The following PEAK1 variants were observed in gnomAD, a reference collection of about 807,000 sequenced individuals.
The protein encoded by PEAK1 is inactive tyrosine-protein kinase PEAK1.
PEAK1 carries 54 observed loss-of-function variants against 124.7 expected under a neutral mutation model. The ratio of observed to expected loss-of-function variants is 0.43; its 90% CI spans 0.35 to 0.54. The LOEUF is 0.54. PEAK1 is among the 20% of genes least tolerant of loss of function. The pLI, the probability that PEAK1 is intolerant of heterozygous loss-of-function variation, is 0.01. For synonymous variants in PEAK1, 719 were observed against 760.0 expected, an observed-to-expected ratio of 0.95 and a Z score of 0.89; for missense variants, 2,046 against 2,134.5, an observed-to-expected ratio of 0.96 and a Z score of 0.82.
At chr15:77,215,433 G>A (rs2059105916) in intron 6 of PEAK1, among the ~76,000 whole-genome samples, 1 of 152,184 alleles carries the variant, frequency 6.6e-6, no homozygotes, top group Non-Finnish European at 1.5e-5. Flanking sequence ...CCCTGAGGAT[G>A]CTCAAGTCCT....
chr15:77,420,913 G>A (rs980525347), upstream of PEAK1: 5 of 398,676 alleles, frequency 1.3e-5, no homozygotes, highest in East Asian at 3.6e-5. Context: ...AGTGCGTGAA[G>A]TGAAGGCGAT....
intron 8 of PEAK1, among the ~76,000 whole-genome samples, chr15:77,144,456 C>A (rs768808687): frequency 6.6e-6 from 1 of 152,108 alleles, no homozygotes; most frequent in Non-Finnish European, 1.5e-5. Flanking sequence ...GCATTTTTAG[C>A]CTTTTATAAA....
chr15:77,229,579 A>G (rs2059815104), intron 6 of PEAK1, among the ~76,000 whole-genome samples: 1 of 152,050 alleles, frequency 6.6e-6, no homozygotes, highest in South Asian at 2.1e-4. Flanking sequence ...TCTCATGACC[A>G]GAGGTATCTG....
chr15:77,144,708 T>C (rs1596338524), intron 8 of PEAK1, among the ~76,000 whole-genome samples: 1 of 152,330 alleles, frequency 6.6e-6, no homozygotes, highest in African/African-American at 2.4e-5. Context: ...ACTTATGCGT[T>C]CCAAATGAAA....
chr15:77,247,281 GAAGA>G (rs1479209219), intron 6 of PEAK1, among the ~76,000 whole-genome samples: 1 of 151,746 alleles, frequency 6.6e-6, no homozygotes, highest in African/African-American at 2.4e-5. Flanking sequence ...TCAATTTTAG[GAAGA>G]AAGCATTCAC....
intron 1 of PEAK1, among the ~76,000 whole-genome samples, chr15:77,392,560 C>G (rs2070558130): frequency 1.3e-5 from 2 of 152,136 alleles, no homozygotes; most frequent in Non-Finnish European, 2.9e-5. Context: ...TTTATACATT[C>G]ATCTATTCCT....
intron 9 of PEAK1, among the ~76,000 whole-genome samples, chr15:77,116,970 A>G (rs1479566228): frequency 6.6e-6 from 1 of 152,216 alleles, no homozygotes; most frequent in Admixed American, 6.5e-5. Flanking sequence ...ATGCTCATCA[A>G]TCATAACATT....
chr15:77,382,337 C>A (rs1940364067), intron 1 of PEAK1, among the ~76,000 whole-genome samples: 1 of 152,238 alleles, frequency 6.6e-6, no homozygotes, highest in Non-Finnish European at 1.5e-5. Flanking sequence ...TCCTCATTCA[C>A]CAATCATTTC....
chr15:77,138,129 C>A (rs1302904324), intron 8 of PEAK1, among the ~76,000 whole-genome samples: 1 of 152,202 alleles, frequency 6.6e-6, no homozygotes, highest in Non-Finnish European at 1.5e-5. Flanking sequence ...TCCAATAAAC[C>A]TCCTTCTTTT....
intron 8 of PEAK1, among the ~76,000 whole-genome samples, chr15:77,149,754 C>CA (rs910411010): frequency 6.9e-6 from 1 of 144,916 alleles, no homozygotes; most frequent in Non-Finnish European, 1.5e-5. Context: ...ATTGGCATCA[C>CA]TTTTTTTTTT....
chr15:77,229,249 T>C (rs1596736435), intron 6 of PEAK1, among the ~76,000 whole-genome samples: 1 of 152,178 alleles, frequency 6.6e-6, no homozygotes, highest in East Asian at 1.9e-4. Context: ...TCATTGAAGT[T>C]TAGCACCTTT....
At position 77,349,164 on chromosome 15, in the gene PEAK1, C is replaced by T. The variant is rs577066931; in HGVS notation, c.-603+15999G>A. ...ACGCCATTCTCCTGCCTCAGCCTCC[C>T]GAGTAGCTGGGACTACAGGCACCTG... On this transcript the variant is annotated intron_variant, in intron 2 of 9. Coordinates refer to ENST00000682557, the MANE Select transcript of PEAK1 (RefSeq NM_001385026.1). 1.3e-4 allele frequency: 56 copies of T among 432,868 alleles called. No individual in the cohort carries two copies. In the Middle Eastern group the frequency reaches 4.6e-3, roughly 36 times the overall value. 26.8% of individuals were successfully genotyped at this position (432,868 alleles called of 1,614,324 possible).
chr15:77,116,740 CTA>C (rs2051421276), intron 9 of PEAK1, among the ~76,000 whole-genome samples: 4 of 151,722 alleles, frequency 2.6e-5, no homozygotes, highest in Non-Finnish European at 1.5e-5. Flanking sequence ...ATCTATCTAT[CTA>C]TCTATCTATC....
Position 77,218,580 on chromosome 15 carries a change from T to A in PEAK1, c.-115+33787A>T, listed in dbSNP as rs143366747. Among the ~76,000 whole-genome samples, 736 of 152,176 alleles carry A rather than the reference T, an allele frequency of 4.8e-3. 5 individuals carry two copies. Among genetic ancestry groups the A allele is most frequent in the African/African-American group, 0.017 (693 of 41,520 alleles). On this transcript the variant is annotated intron_variant, in intron 6 of 9. Transcript: ENST00000682557. ...TTGGTCTTTAATTCTCTTTTCTTTT[T>A]TTTTTTAAAGAGATGGGGTCTTACT...
intron 1 of PEAK1, among the ~76,000 whole-genome samples, chr15:77,411,491 A>G (rs780960418): frequency 2.6e-5 from 4 of 152,258 alleles, no homozygotes; most frequent in East Asian, 1.9e-4. Flanking sequence ...GTGTGTACAT[A>G]AAGCCTTGAC....
At chr15:77,378,268 A>C (rs2069194154) in intron 1 of PEAK1, among the ~76,000 whole-genome samples, 1 of 151,428 alleles carries the variant, frequency 6.6e-6, no homozygotes. Context: ...ACCTGTAAAA[A>C]GGCCAACCAC....
intron 5 of PEAK1, among the ~76,000 whole-genome samples, chr15:77,266,115 G>T (rs991967221): frequency 4.6e-5 from 7 of 152,062 alleles, no homozygotes; most frequent in South Asian, 2.1e-4. Context: ...GGTGGGGAGA[G>T]GGGGGAGGGA....
chr15:77,188,868 T>C (rs34129891), intron 6 of PEAK1, among the ~76,000 whole-genome samples: 15,663 of 152,128 alleles, frequency 0.1, 1,013 homozygotes, highest in Middle Eastern at 0.2. Context: ...CTAGTTAGCA[T>C]TTACTACTAA....
At chr15:77,205,210 A>C in intron 6 of PEAK1, 1 of 228,446 alleles carries the variant, frequency 4.4e-6, no homozygotes, top group Non-Finnish European at 8.4e-6. Context: ...AGCTCTAGAC[A>C]CATTTTCAAG....
Sources: allele counts gnomAD v4.1 joint callset (sites outside exome capture counted in the v4.1 genomes callset), GRCh38; gene constraint gnomAD v4.1.1; transcripts MANE v1.5; gene names NCBI Gene and HGNC (gene_info 2026-07-23, HGNC 2026-07-21).